PTPRN2: variants seen among roughly 807,000 people sequenced by gnomAD.
PTPRN2 encodes the protein protein tyrosine phosphatase receptor type N2.
PTPRN2 carries 74 observed loss-of-function variants against 118.8 expected under a neutral mutation model. That is an observed-to-expected ratio of 0.62 (90% confidence interval 0.52 to 0.76). PTPRN2 has a LOEUF of 0.76. PTPRN2 is among the 30% of genes least tolerant of loss of function. The pLI is 0.00. For synonymous variants in PTPRN2, 641 were observed against 608.0 expected (o/e 1.05, Z -0.80); for missense variants, 1,481 against 1,394.4 (o/e 1.06, Z -0.99).
intron 2 of PTPRN2, among the ~76,000 whole-genome samples, chr7:158,330,887 A>G (rs1804248293): frequency 2.0e-5 from 2 of 99,806 alleles, no homozygotes; most frequent in East Asian, 3.4e-4. Flanking sequence ...TCACACCCAA[A>G]CTCTCACCAT....
chr7:157,634,105 G>A (rs1201052754), intron 14 of PTPRN2, among the ~76,000 whole-genome samples: 2 of 150,836 alleles, frequency 1.3e-5, no homozygotes, highest in Admixed American at 6.6e-5. Context: ...TAGGATTCCC[G>A]TCTGCTCATC....
At chr7:158,479,255 C>A (rs559857849) in intron 2 of PTPRN2, among the ~76,000 whole-genome samples, 1 of 151,858 alleles carries the variant, frequency 6.6e-6, no homozygotes, top group Admixed American at 6.6e-5. Context: ...AGGTACTCAG[C>A]CTGGACTTTC....
At chr7:158,270,562 A>G (rs953128572) in intron 3 of PTPRN2, among the ~76,000 whole-genome samples, 2 of 151,934 alleles carry the variant, frequency 1.3e-5, no homozygotes, top group Non-Finnish European at 2.9e-5. Flanking sequence ...CTGCTATCAC[A>G]ATTGAGGGCT....
chr7:158,429,268 C>T (rs1335654064), intron 2 of PTPRN2, among the ~76,000 whole-genome samples: 1 of 152,228 alleles, frequency 6.6e-6, no homozygotes, highest in Non-Finnish European at 1.5e-5. Context: ...AGCTCCCCCA[C>T]ATCTCCAGGG....
chr7:158,021,762 G>C lies in PTPRN2; in HGVS notation c.1723+59536C>G, dbSNP rs568597575. On this transcript the variant is annotated intron_variant, in intron 11 of 22. Coordinates refer to ENST00000389418, the MANE Select transcript of PTPRN2 (RefSeq NM_002847.5). ...CCAGCCTCCATAGTGGGGAGAGGATGAACTCCTGTTGCTGAAGCTGCCCAG... is the reference window on the plus strand; with the variant it reads ...CCAGCCTCCATAGTGGGGAGAGGATCAACTCCTGTTGCTGAAGCTGCCCAG... 2.0e-5 allele frequency among the ~76,000 whole-genome samples: 3 copies of C among 152,320 alleles called. No homozygotes were observed. In the East Asian group the frequency reaches 5.8e-4, roughly 29 times the overall value.
At chr7:158,228,876 T>A (rs1828988664) in intron 3 of PTPRN2, among the ~76,000 whole-genome samples, 1 of 151,990 alleles carries the variant, frequency 6.6e-6, no homozygotes, top group African/African-American at 2.4e-5. Context: ...AAGGGAAACA[T>A]CCCTGAGGAC....
At chr7:157,754,529 C>G (rs1801670885) in intron 12 of PTPRN2, among the ~76,000 whole-genome samples, 2 of 152,250 alleles carry the variant, frequency 1.3e-5, no homozygotes, top group Admixed American at 6.5e-5. Context: ...TGACAGTGGC[C>G]TTCCATTCTC....
At position 158,331,729 on chromosome 7, in the gene PTPRN2, A is replaced by T. The variant is rs1340832575; in HGVS notation, c.164-14797T>A. Among the ~76,000 whole-genome samples the T allele has an allele frequency of 9.8e-4, 148 of 150,784 alleles. 2 individuals carry two copies. Among genetic ancestry groups the T allele is most frequent in the African/African-American group, 3.5e-3 (142 of 40,164 alleles). ...CTAACACCCACATTCTCACCATAAG[A>T]GCTGACACCTGCAGACGTCACTCAA... On this transcript the variant is annotated intron_variant, in intron 2 of 22. Coordinates refer to ENST00000389418, the MANE Select transcript of PTPRN2 (RefSeq NM_002847.5).
chr7:158,482,974 C>T (rs888004545), intron 2 of PTPRN2, among the ~76,000 whole-genome samples: 5 of 152,218 alleles, frequency 3.3e-5, no homozygotes, highest in Non-Finnish European at 7.3e-5. Context: ...AGAGGGGCCT[C>T]CCTATGCCCA....
chr7:158,507,783 C>T (rs1277484459), intron 1 of PTPRN2, among the ~76,000 whole-genome samples: 1 of 150,810 alleles, frequency 6.6e-6, no homozygotes, highest in Non-Finnish European at 1.5e-5. Context: ...TCAGTGAGGA[C>T]CATCCAGGGA....
In PTPRN2 at chr7:158,003,475, C is replaced by T. The variant is rs923462668; in HGVS notation, c.1723+77823G>A. On this transcript the variant is annotated intron_variant, in intron 11 of 22. Transcript: ENST00000389418. The surrounding 1 kb of genome is among the most constrained non-coding windows in gnomAD (Gnocchi z 5.0). ...GCCCCAATCCAATAGGACCTGTGTT[C>T]TTCAGGAAGAGGAAGAGACACACAG... Among the ~76,000 whole-genome samples, 15 of 151,664 alleles carry T rather than the reference C, an allele frequency of 9.9e-5. No individual in the cohort carries two copies. Among genetic ancestry groups the T allele is most frequent in the African/African-American group, 3.1e-4 (13 of 41,362 alleles).
intron 1 of PTPRN2, among the ~76,000 whole-genome samples, chr7:158,576,309 G>A (rs951574578): frequency 6.6e-6 from 1 of 152,198 alleles, no homozygotes; most frequent in South Asian, 2.1e-4. Context: ...TTGCAAGAAC[G>A]AACATCTCTG....
intron 2 of PTPRN2, among the ~76,000 whole-genome samples, chr7:158,373,974 T>A (rs1810300370): frequency 6.6e-6 from 1 of 152,194 alleles, no homozygotes; most frequent in African/African-American, 2.4e-5. Context: ...TGAGACGCTG[T>A]GGGTGCTGGG....
At chr7:158,140,759 C>A (rs1426085199) in intron 6 of PTPRN2, among the ~76,000 whole-genome samples, 1 of 152,188 alleles carries the variant, frequency 6.6e-6, no homozygotes, top group Non-Finnish European at 1.5e-5. Context: ...ATGCGTCCAA[C>A]GCGTCATCGT....
chr7:158,320,185 CCTCGT>C (rs1802882575), intron 2 of PTPRN2, among the ~76,000 whole-genome samples: 1 of 132,954 alleles, frequency 7.5e-6, no homozygotes, highest in African/African-American at 3.6e-5. Flanking sequence ...ACACAGCCTC[CCTCGT>C]ACACACACAG....
intron 16 of PTPRN2, among the ~76,000 whole-genome samples, chr7:157,599,606 G>A (rs2150573751): frequency 6.6e-6 from 1 of 152,296 alleles, no homozygotes; most frequent in South Asian, 2.1e-4. Flanking sequence ...CAGGACCACT[G>A]GACTGTGTCC....
At chr7:157,952,617 C>A (rs369181693) in intron 11 of PTPRN2, among the ~76,000 whole-genome samples, 2 of 152,066 alleles carry the variant, frequency 1.3e-5, no homozygotes, top group Non-Finnish European at 2.9e-5. Context: ...TCTCATCTCA[C>A]GCCATGGAGA....
intron 1 of PTPRN2, among the ~76,000 whole-genome samples, chr7:158,539,016 C>T (rs1415343136): frequency 6.6e-6 from 1 of 152,182 alleles, no homozygotes; most frequent in Non-Finnish European, 1.5e-5. Flanking sequence ...GGTTTCCCTT[C>T]ACCCCTCAGC....
intron 11 of PTPRN2, among the ~76,000 whole-genome samples, chr7:158,001,931 C>G (rs2128860126): frequency 1.3e-5 from 2 of 152,340 alleles, no homozygotes; most frequent in East Asian, 3.9e-4. Context: ...TCCTGGAGAT[C>G]CTCCTCCAGC....
Sources: allele counts gnomAD v4.1 joint callset (sites outside exome capture counted in the v4.1 genomes callset), GRCh38; gene constraint gnomAD v4.1.1; non-coding constraint Gnocchi (gnomAD v3.1); transcripts MANE v1.5; gene names NCBI Gene and HGNC (gene_info 2026-07-23, HGNC 2026-07-21).